Variants in LEF1 observed in about 807,000 individuals in gnomAD.
The protein encoded by LEF1 is lymphoid enhancer binding factor 1.
A neutral mutation model predicts 51.2 loss-of-function variants in LEF1; 14 were observed. The observed-to-expected ratio is 0.27, with a 90% CI of 0.18 to 0.43. The LOEUF is 0.43. Ranked by LOEUF, LEF1 falls within the 20% of genes least tolerant of loss-of-function variation. LEF1 has a pLI of 1.00. For synonymous variants in LEF1, 185 were observed against 183.2 expected, an observed-to-expected ratio of 1.01 and a Z score of -0.08; for missense variants, 386 against 512.0, an observed-to-expected ratio of 0.75 and a Z score of 2.37.
At position 108,167,408 on chromosome 4, in the gene LEF1, G is replaced by C; in HGVS notation, c.213+147C>G. ...CACACACACACACTGCGGACCGGGGGCCCAGCTACGCACACACCCCAAAAC... is the reference window on the plus strand; with the variant it reads ...CACACACACACACTGCGGACCGGGGCCCCAGCTACGCACACACCCCAAAAC... On this transcript the variant is annotated intron_variant, in intron 1 of 11. Transcript: ENST00000265165. The surrounding 1 kb of genome is among the most constrained non-coding windows in gnomAD (Gnocchi z 5.7). 1 of 667,130 alleles carries C rather than the reference G, an allele frequency of 1.5e-6. No homozygotes were observed. The highest frequency in any genetic ancestry group is 2.6e-6 in the Non-Finnish European group (1 of 387,414). The allele number at this position is 667,130 out of a possible 1,614,324, so 41.3% of individuals were successfully genotyped here.
chr4:108,139,445 C>G (rs1357621929), intron 3 of LEF1, among the ~76,000 whole-genome samples: 2 of 152,214 alleles, frequency 1.3e-5, no homozygotes, highest in Non-Finnish European at 2.9e-5. Context: ...TCCTTTTCTC[C>G]CTTAAAACCT....
At chr4:108,156,209 G>A (rs1000039102) in intron 3 of LEF1, among the ~76,000 whole-genome samples, 4 of 152,074 alleles carry the variant, frequency 2.6e-5, no homozygotes, top group Admixed American at 2.6e-4. Context: ...TAACAGATAA[G>A]TACTTCCTAA....
chr4:108,098,502 A>G lies in LEF1; in HGVS notation c.415-9245T>C, dbSNP rs1477488794. On this transcript the variant is annotated intron_variant, in intron 3 of 11. Transcript: ENST00000265165. ...CTTAAATCTAATTATTTCATATTCAAAGGGGGGGCTTTCACACTTAAGTTT... is the reference window on the plus strand; with the variant it reads ...CTTAAATCTAATTATTTCATATTCAGAGGGGGGGCTTTCACACTTAAGTTT... Among the ~76,000 whole-genome samples, 3 of 151,900 alleles carry G rather than the reference A, an allele frequency of 2.0e-5. No individual in the cohort carries two copies. The East Asian group carries it at 5.8e-4, about 29-fold the overall frequency.
chr4:108,062,371 C>A (rs975192810), intron 11 of LEF1, among the ~76,000 whole-genome samples: 1 of 152,164 alleles, frequency 6.6e-6, no homozygotes, highest in African/African-American at 2.4e-5. Flanking sequence ...AGGAAATGGG[C>A]TTTCGAAGCC....
chr4:108,065,241 C>T (rs1737987538), intron 9 of LEF1, among the ~76,000 whole-genome samples: 1 of 152,182 alleles, frequency 6.6e-6, no homozygotes, highest in South Asian at 2.1e-4. Flanking sequence ...AATCCCGGCA[C>T]TTCAGGAAGC....
chr4:108,161,840 C>T (rs115604576), intron 3 of LEF1, among the ~76,000 whole-genome samples: 29 of 152,060 alleles, frequency 1.9e-4, no homozygotes, highest in African/African-American at 6.5e-4. Context: ...CTATTGTCAC[C>T]AACACTACTT....
At chr4:108,080,875 C>G (rs1188639400) in intron 6 of LEF1, among the ~76,000 whole-genome samples, 4 of 152,154 alleles carry the variant, frequency 2.6e-5, no homozygotes, top group Non-Finnish European at 5.9e-5. Flanking sequence ...CTTGACAAAG[C>G]CACATCGAAC....
Position 108,061,642 on chromosome 4 carries a change from C to T in LEF1, c.*6+1981G>A, listed in dbSNP as rs199576829. On this transcript the variant is annotated intron_variant, in intron 11 of 11. Coordinates refer to ENST00000265165, the MANE Select transcript of LEF1 (RefSeq NM_016269.5). ...CAGTAATTAAAACAATTTTTTTTTT[C>T]AAAAAAAAAAAAATTACAAGGCTTG... Among the ~76,000 whole-genome samples, 1,092 of 144,068 alleles carry T rather than the reference C, an allele frequency of 7.6e-3. 6 individuals carry two copies. Among genetic ancestry groups the T allele is most frequent in the Middle Eastern group, 0.018 (5 of 280 alleles). 94.5% of individuals were successfully genotyped at this position (144,068 alleles called of 152,430 possible). A position where few individuals can be genotyped will look rare whatever the true frequency, so the allele number is the denominator to read the frequency against.
At chr4:108,052,986 T>C (rs540704766) in intron 11 of LEF1, among the ~76,000 whole-genome samples, 25 of 152,312 alleles carry the variant, frequency 1.6e-4, no homozygotes, top group African/African-American at 5.8e-4. Flanking sequence ...ACCCAACTAA[T>C]AGGCAGCAGG....
At chr4:108,105,094 C>CGTTTTT (rs1384131742) in intron 3 of LEF1, among the ~76,000 whole-genome samples, 61 of 152,154 alleles carry the variant, frequency 4.0e-4, no homozygotes, top group Non-Finnish European at 6.2e-4. Flanking sequence ...ACATATTTAA[C>CGTTTTT]CCTCAGAGCT....
chr4:108,158,436 G>GAA (rs1560830906), intron 3 of LEF1, among the ~76,000 whole-genome samples: 2 of 151,540 alleles, frequency 1.3e-5, no homozygotes, highest in Admixed American at 1.3e-4. Flanking sequence ...GAGAGAGAGA[G>GAA]CGCGCAACCT....
chr4:108,099,608 AT>A (rs1740669162), intron 3 of LEF1, among the ~76,000 whole-genome samples: 6 of 119,436 alleles, frequency 5.0e-5, no homozygotes, highest in African/African-American at 1.3e-4. Context: ...ATATATATAT[AT>A]ATATATATAA....
In LEF1 at chr4:108,048,709, G is replaced by C. The variant is rs376666593; in HGVS notation, c.*49C>G. On this transcript the variant is annotated 3_prime_UTR_variant, in exon 12 of 12. Transcript: ENST00000265165. ...CATCTCCAGAAGAGGTCCTGGGGTC[G>C]CTGCCTTGGCTTTGCACGTTGGGAA... 9.9e-6 allele frequency: 16 copies of C among 1,608,588 alleles called. No homozygotes were observed. Among genetic ancestry groups the C allele is most frequent in the Non-Finnish European group, 1.4e-5 (16 of 1,177,096 alleles).
intron 3 of LEF1, among the ~76,000 whole-genome samples, chr4:108,106,443 G>C (rs1450082350): frequency 6.6e-6 from 1 of 152,162 alleles, no homozygotes; most frequent in Non-Finnish European, 1.5e-5. Context: ...AGGTTTTCAA[G>C]ATTGAGGCTG....
intron 4 of LEF1, among the ~76,000 whole-genome samples, chr4:108,083,930 T>G (rs773771453): frequency 3.9e-5 from 6 of 152,172 alleles, no homozygotes; most frequent in Non-Finnish European, 8.8e-5. Context: ...CCTCAGAGGA[T>G]CAAAGATTAA....
chr4:108,062,021 G>C (rs1258144008), intron 11 of LEF1, among the ~76,000 whole-genome samples: 1 of 152,180 alleles, frequency 6.6e-6, no homozygotes, highest in Non-Finnish European at 1.5e-5. Context: ...TAGGAGGAAG[G>C]AGTGAGTCTG....
chr4:108,062,510 C>A (rs1737763445), intron 11 of LEF1, among the ~76,000 whole-genome samples: 1 of 152,086 alleles, frequency 6.6e-6, no homozygotes. Context: ...TGACTGGGGG[C>A]AAAGCTACAA....
intron 3 of LEF1, among the ~76,000 whole-genome samples, chr4:108,099,539 T>TGTGC (rs1740618133): frequency 1.1e-5 from 1 of 93,342 alleles, no homozygotes; most frequent in African/African-American, 3.6e-5. Context: ...TATATATGTG[T>TGTGC]ATATGTGTGT....
At chr4:108,061,431 G>A (rs549300036) in intron 11 of LEF1, among the ~76,000 whole-genome samples, 2 of 152,026 alleles carry the variant, frequency 1.3e-5, no homozygotes, top group African/African-American at 4.8e-5. Context: ...ACACCAAATC[G>A]ACTACCAAAC....
Sources: allele counts gnomAD v4.1 joint callset (sites outside exome capture counted in the v4.1 genomes callset), GRCh38; gene constraint gnomAD v4.1.1; non-coding constraint Gnocchi (gnomAD v3.1); transcripts MANE v1.5; gene names NCBI Gene and HGNC (gene_info 2026-07-23, HGNC 2026-07-21).